The following MOXD1 variants were observed in gnomAD, a reference collection of about 807,000 sequenced individuals.
The protein encoded by MOXD1 is DBH-like monooxygenase protein 1.
Under a neutral mutation model 66.6 loss-of-function variants are expected in MOXD1, and 62 were observed. That is an observed-to-expected ratio of 0.93 (90% CI 0.76 to 1.15). The LOEUF (loss-of-function observed/expected upper bound fraction) is 1.15, where lower values mean the gene tolerates loss of function less well. MOXD1 is among the 50% of genes most tolerant of loss of function. The probability of loss-of-function intolerance (pLI) is 0.00; values close to 1 mark genes in which losing one functional copy is unlikely to be tolerated. For missense variants in MOXD1, 847 were observed against 754.6 expected, an observed-to-expected ratio of 1.12 and a Z score of -1.44; for synonymous variants, 303 against 281.9, an observed-to-expected ratio of 1.07 and a Z score of -0.75.
chr6:132,380,575 C>T (rs1776487155), intron 1 of MOXD1, among the ~76,000 whole-genome samples: 1 of 152,172 alleles, frequency 6.6e-6, no homozygotes, highest in South Asian at 2.1e-4. Context: ...CTCTGAATTC[C>T]TATTCCTCTA....
At chr6:132,319,509 T>C (rs2114564956) in intron 9 of MOXD1, among the ~76,000 whole-genome samples, 1 of 152,182 alleles carries the variant, frequency 6.6e-6, no homozygotes, top group South Asian at 2.1e-4. Context: ...TTATTTTAAA[T>C]TGTATTTTCT....
intron 1 of MOXD1, among the ~76,000 whole-genome samples, chr6:132,394,098 G>A (rs1416392205): frequency 6.6e-6 from 1 of 152,060 alleles, no homozygotes; most frequent in Non-Finnish European, 1.5e-5. Flanking sequence ...CACCACTGAG[G>A]CCCAAAGACT....
At chr6:132,333,321 G>C (rs202027265) in intron 4 of MOXD1, among the ~76,000 whole-genome samples, 1 of 134,372 alleles carries the variant, frequency 7.4e-6, no homozygotes, top group East Asian at 2.4e-4. Context: ...GGGCTACAGA[G>C]TGAGACTCCG....
chr6:132,348,915 C>A (rs543675626), intron 4 of MOXD1, among the ~76,000 whole-genome samples: 1 of 152,256 alleles, frequency 6.6e-6, no homozygotes, highest in South Asian at 2.1e-4. Flanking sequence ...GGTGCCAAGT[C>A]TTTCATCTTC....
At chr6:132,303,835 GT>G (rs1774619720) in intron 10 of MOXD1, among the ~76,000 whole-genome samples, 3 of 47,556 alleles carry the variant, frequency 6.3e-5, no homozygotes, top group African/African-American at 1.6e-4. Flanking sequence ...GTGTGTGTGT[GT>G]ATATATATAT....
At chr6:132,316,006 C>A (rs112033713) in intron 9 of MOXD1, among the ~76,000 whole-genome samples, 1 of 151,992 alleles carries the variant, frequency 6.6e-6, no homozygotes, top group Non-Finnish European at 1.5e-5. Flanking sequence ...ATAAATTCTG[C>A]GGATGGGATG....
In MOXD1 at chr6:132,297,467, G is replaced by A. The variant is rs148123654; in HGVS notation, c.1678-150C>T. 796 of 798,112 alleles carry A rather than the reference G, an allele frequency of 1.0e-3. 4 individuals are homozygous for A. The African/African-American group carries it at 0.013, about 13-fold the overall frequency. 49.4% of individuals were successfully genotyped at this position (798,112 alleles called of 1,614,324 possible). On this transcript the variant is annotated intron_variant, in intron 11 of 11. Transcript: ENST00000367963. ...ACACACTGGGGGAGTCAGAAACCTAGGGTTAAGGAGGAAACAGAAAAGAGG... is the reference window on the plus strand; with the variant it reads ...ACACACTGGGGGAGTCAGAAACCTAAGGTTAAGGAGGAAACAGAAAAGAGG...
At chr6:132,329,338 A>G (rs1323544323) in intron 4 of MOXD1, among the ~76,000 whole-genome samples, 1 of 152,182 alleles carries the variant, frequency 6.6e-6, no homozygotes, top group Non-Finnish European at 1.5e-5. Context: ...TCCATGGTGT[A>G]TATGTGCCAC....
rs760283197 is a variant in MOXD1, at chr6:132,322,817, A to G, written c.1167T>C (p.His389=). The change falls in exon 8 of 12, where the codon CAT becomes CAC. Residue 389 remains histidine (H), a synonymous_variant. Coordinates refer to ENST00000367963, the MANE Select transcript of MOXD1 (RefSeq NM_015529.4). The part of the protein sequence containing the change: ...SGIHVFAVLL[H]AHLAGRGIRL... ...TGATGCCTCTGCCAGCCAGGTGAGC[A>G]TGGAGAAGAACAGCAAACACATGAA... is the stretch of plus-strand genomic sequence containing the variant. 3.1e-6 allele frequency: 5 copies of G among 1,614,126 alleles called. No homozygotes were observed. The highest frequency in any genetic ancestry group is 3.4e-6 in the Non-Finnish European group (4 of 1,179,992).
intron 1 of MOXD1, among the ~76,000 whole-genome samples, chr6:132,382,192 G>C (rs1776525126): frequency 1.3e-5 from 2 of 151,908 alleles, no homozygotes; most frequent in Non-Finnish European, 2.9e-5. Flanking sequence ...CTCCAATTAA[G>C]AATCATTAAA....
chr6:132,303,863 ATATATATATATATATACATATAT>A lies in MOXD1; in HGVS notation c.1509-5931_1509-5909del, dbSNP rs1562276482. ...TATATATATATATATATATATATAT[ATATATATATATATATACATATAT>A]ACATAAAACCTTAGGACAATTCTCT... On this transcript the variant is annotated intron_variant, in intron 10 of 11. Coordinates refer to ENST00000367963, the MANE Select transcript of MOXD1 (RefSeq NM_015529.4). 5.1e-4 allele frequency among the ~76,000 whole-genome samples: 31 copies of A among 60,516 alleles called. 1 individual carries two copies. The African/African-American group carries it at 5.2e-3, about 10-fold the overall frequency. The allele number at this position is 60,516 out of a possible 152,430, so 39.7% of individuals were successfully genotyped here.
intron 4 of MOXD1, among the ~76,000 whole-genome samples, chr6:132,332,140 CA>C (rs1377694809): frequency 1.3e-5 from 2 of 152,122 alleles, no homozygotes; most frequent in Non-Finnish European, 2.9e-5. Flanking sequence ...TTACAAAGGG[CA>C]AATAACAAGG....
intron 4 of MOXD1, among the ~76,000 whole-genome samples, chr6:132,351,415 T>G (rs1775801293): frequency 6.6e-6 from 1 of 152,206 alleles, no homozygotes; most frequent in Admixed American, 6.5e-5. Flanking sequence ...ATTTTTGTTT[T>G]TAATTCTGTT....
At chr6:132,309,756 G>A (rs137915298) in intron 10 of MOXD1, among the ~76,000 whole-genome samples, 2,658 of 152,270 alleles carry the variant, frequency 0.017, 78 homozygotes, top group African/African-American at 0.059. Flanking sequence ...ATGGGGAAAG[G>A]ATCTCCTATT....
At chr6:132,304,137 A>T (rs1463523691) in intron 10 of MOXD1, among the ~76,000 whole-genome samples, 1 of 151,562 alleles carries the variant, frequency 6.6e-6, no homozygotes, top group Non-Finnish European at 1.5e-5. Context: ...GGCCTTGAGG[A>T]GGTGATTAGG....
intron 1 of MOXD1, among the ~76,000 whole-genome samples, chr6:132,397,032 G>A (rs1256287886): frequency 6.6e-6 from 1 of 152,096 alleles, no homozygotes; most frequent in South Asian, 2.1e-4. Flanking sequence ...GTCATAAAAG[G>A]CTGTACAGTT....
intron 4 of MOXD1, among the ~76,000 whole-genome samples, chr6:132,346,988 T>C (rs1775680155): frequency 6.6e-6 from 1 of 152,200 alleles, no homozygotes; most frequent in Non-Finnish European, 1.5e-5. Flanking sequence ...GTTAAAGTTT[T>C]ATGATCACGT....
intron 1 of MOXD1, among the ~76,000 whole-genome samples, chr6:132,384,241 T>TCTTCCTTCCTTC (rs149111930): frequency 3.0e-4 from 34 of 112,408 alleles, no homozygotes; most frequent in African/African-American, 1.0e-3. Context: ...TCCCTCCCTC[T>TCTTCCTTCCTTC]CTTCCTTCCT....
At chr6:132,297,675 G>C in intron 11 of MOXD1, 112 bp downstream of exon 11, 1 of 1,279,404 alleles carries the variant, frequency 7.8e-7, no homozygotes, top group Non-Finnish European at 1.1e-6. Flanking sequence ...TCAGACATTA[G>C]AAGGCAACTG....
Sources: gnomAD v4.1 joint callset for allele counts (sites outside exome capture counted in the v4.1 genomes callset) on GRCh38, gnomAD v4.1.1 for gene constraint, MANE v1.5 for transcripts, NCBI Gene and HGNC (gene_info 2026-07-23, HGNC 2026-07-21) for gene names.